The following SCO2 variants were observed in gnomAD, a reference collection of about 807,000 sequenced individuals.
SCO2 encodes cytochrome c oxidase assembly factor SCO2.
For missense variants in SCO2, 429 were observed against 348.7 expected, an observed-to-expected ratio of 1.23 and a Z score of -1.83; for synonymous variants, 195 against 148.6, an observed-to-expected ratio of 1.31 and a Z score of -2.27.
At position 50,524,185 on chromosome 22, in the gene SCO2, A is replaced by G. The variant is rs748990591; in HGVS notation, c.227T>C (p.Leu76Pro). Residue 76 changes from leucine (L) to proline (P), a missense_variant, in exon 2 of 2, where the codon CTG (leucine) becomes CCG (proline). Physicochemically the swap from Leu to Pro is moderately conservative, Grantham distance 98. Transcript: ENST00000395693. ...LFGAGLGGAW[L>P]ALRAEKERLQ... ...CCTCTCCTTCTCAGCCCTCAGGGCC[A>G]GCCAGGCCCCACCGAGTCCAGCCCC... 1 of 1,609,418 alleles carries G rather than the reference A, an allele frequency of 6.2e-7. No individual in the cohort carries two copies. The highest frequency in any genetic ancestry group is 8.5e-7 in the Non-Finnish European group (1 of 1,179,914).
At chr22:50,524,802 C>G (rs1442607136) in intron 1 of SCO2, 19 of 392,144 alleles carry the variant, frequency 4.8e-5, no homozygotes, top group Non-Finnish European at 9.7e-5. Context: ...CTCTGGCTTG[C>G]AATCCCCGAG....
chr22:50,523,858 T>C lies in SCO2; in HGVS notation c.554A>G (p.His185Arg). ...EAMARYVQDFHPRLLGLTGST... is the reference protein window; with the variant it reads ...EAMARYVQDFRPRLLGLTGST... ...GCCGGTCAGACCCAACAGTCTTGGG[T>C]GGAAGTCCTGGACGTAGCGGGCCAT... The change falls in exon 2 of 2, where the codon CAC becomes CGC. Residue 185 changes from histidine (H) to arginine (R), a missense_variant. His to Arg is a conservative substitution (Grantham distance 29). Coordinates refer to ENST00000395693, the MANE Select transcript of SCO2 (RefSeq NM_005138.3). 1 of 1,613,874 alleles carries C rather than the reference T, an allele frequency of 6.2e-7. No individual in the cohort carries two copies. The highest frequency in any genetic ancestry group is 8.5e-7 in the Non-Finnish European group (1 of 1,180,002).
intron 1 of SCO2, among the ~76,000 whole-genome samples, chr22:50,525,205 C>T (rs374247612): frequency 9.2e-5 from 14 of 152,358 alleles, no homozygotes; most frequent in African/African-American, 3.1e-4. Context: ...GGGTTTGTGC[C>T]CTCCCCAGCA....
intron 1 of SCO2, chr22:50,524,902 C>T (rs1324922319): frequency 5.7e-6 from 1 of 175,946 alleles, no homozygotes; most frequent in Admixed American, 9.0e-5. Context: ...AAAACCTGCA[C>T]GACCTACCCC....
At chr22:50,526,216 C>G (rs766469259), upstream of SCO2, 27 of 1,502,198 alleles carry the variant, frequency 1.8e-5, no homozygotes, top group African/African-American at 3.7e-4. Flanking sequence ...ATGGCGGAGG[C>G]GGAAGGACGG....
At chr22:50,525,433 C>T (rs2069304096) in intron 1 of SCO2, 39 bp downstream of exon 1, 1 of 386,750 alleles carries the variant, frequency 2.6e-6, no homozygotes, top group Non-Finnish European at 4.7e-6. Context: ...AGCGAGTCCT[C>T]AGGGCTACCT....
rs111681173 is a variant in SCO2 at position 50,525,589 on chromosome 22, C to T, written c.-131G>A. ...GGGCGCCACACGCTCACAGGCAGGG[C>T]GCAGGCGTCCCCGGAGCTGCGCATG... On this transcript the variant is annotated 5_prime_UTR_variant, in exon 1 of 2. Transcript: ENST00000395693. 6 of 923,370 alleles carry T rather than the reference C, an allele frequency of 6.5e-6. No homozygotes were observed. Among genetic ancestry groups the T allele is most frequent in the Non-Finnish European group, 9.9e-6 (6 of 603,172 alleles). 57.2% of individuals were successfully genotyped at this position (923,370 alleles called of 1,614,324 possible). A position where few individuals can be genotyped will look rare whatever the true frequency, so the allele number is the denominator to read the frequency against.
rs772981459 is a variant in SCO2, at chr22:50,524,067, G to A, written c.345C>T (p.Cys115=). The A allele has an allele frequency of 6.2e-7, 1 of 1,613,176 alleles. No homozygotes were observed. The highest frequency in any genetic ancestry group is 8.5e-7 in the Non-Finnish European group (1 of 1,180,022). The change falls in exon 2 of 2, where the codon TGC becomes TGT. Residue 115 remains cysteine, a synonymous_variant. Transcript: ENST00000395693. The part of the protein sequence containing the change: ...HLLDHRGRAR[C]KADFRGQWVL... ...CCCACTGGCCCCGGAAGTCAGCCTT[G>A]CAGCGAGCCCGGCCTCTGTGATCCA...
chr22:50,524,626 GTCC>G, intron 1 of SCO2: 1 of 709,566 alleles, frequency 1.4e-6, no homozygotes, highest in Non-Finnish European at 2.6e-6. Context: ...TGTCACTCCT[GTCC>G]TCTACCTGGG....
chr22:50,523,678 C>A lies in SCO2; in HGVS notation c.734G>T (p.Arg245Ile). 1 of 1,614,140 alleles carries A rather than the reference C, an allele frequency of 6.2e-7. No individual in the cohort carries two copies. Among genetic ancestry groups the A allele is most frequent in the East Asian group, 2.2e-5 (1 of 44,886 alleles). Reference protein sequence around the residue: ...GLFTDYYGRSRSAEQISDSVR... With the variant: ...GLFTDYYGRSISAEQISDSVR... ...ACTGTCTGAGATCTGCTCAGCCGAT[C>A]TGCTCCGGCCGTAGTAATCCGTGAA... is the stretch of plus-strand genomic sequence containing the variant. The change falls in exon 2 of 2, where the codon AGA (arginine) becomes ATA (isoleucine). Residue 245 changes from arginine (R) to isoleucine (I), a missense_variant. Arg to Ile is a moderately conservative substitution (Grantham distance 97). Transcript: ENST00000395693.
At chr22:50,526,394 G>C, upstream of SCO2, 1 of 1,525,360 alleles carries the variant, frequency 6.6e-7, no homozygotes, top group Non-Finnish European at 8.7e-7. Flanking sequence ...CAAGGGCCGA[G>C]CCGTCGTCCA....
At position 50,525,058 on chromosome 22, in the gene SCO2, G is replaced by T. The variant is rs536490501; in HGVS notation, c.-14+414C>A. On this transcript the variant is annotated intron_variant, in intron 1 of 1. Coordinates refer to ENST00000395693, the MANE Select transcript of SCO2 (RefSeq NM_005138.3). The stretch of plus-strand genomic sequence containing the variant: ...CTCACAGCCGACGCCCTGCCTTTGC[G>T]TTGGTGACCTTTGAGCCTTTCCCAC... Among the ~76,000 whole-genome samples, 9 of 152,338 alleles carry T rather than the reference G, an allele frequency of 5.9e-5. No individual in the cohort carries two copies. In the East Asian group the frequency reaches 1.7e-3, roughly 29 times the overall value.
chr22:50,526,152 A>T, upstream of SCO2: 1 of 1,471,328 alleles, frequency 6.8e-7, no homozygotes, highest in Non-Finnish European at 9.0e-7. Context: ...CTGCGGGGAG[A>T]GGGGCTGAGA....
Position 50,523,661 on chromosome 22 carries a change from A to G in SCO2, c.751T>C (p.Ser251Pro). Residue 251 changes from serine (S) to proline (P), a missense_variant, in exon 2 of 2, where the codon TCA becomes CCA. Transcript: ENST00000395693. ...GCCATGTGCCGCCGCACACTGTCTG[A>G]GATCTGCTCAGCCGATCTGCTCCGG... The part of the protein sequence containing the change: ...YGRSRSAEQI[S>P]DSVRRHMAAF... 6.2e-7 allele frequency: 1 copy of G among 1,614,048 alleles called. No homozygotes were observed. The highest frequency in any genetic ancestry group is 8.5e-7 in the Non-Finnish European group (1 of 1,180,036).
rs767252861 is a variant in SCO2 at position 50,524,235 on chromosome 22, G to C, written c.177C>G (p.Thr59=). ...CGAACAGGCCTGTGATCAGCAGCCG[G>C]GTTCGAAGCCCAGGGCCCTGGGGCT... The part of the protein sequence containing the change: ...QGQPQGPGLR[T]RLLITGLFGA... Residue 59 remains threonine (T), a synonymous_variant, in exon 2 of 2, where the codon ACC becomes ACG. Transcript: ENST00000395693. The C allele has an allele frequency of 1.9e-6, 3 of 1,607,010 alleles. No individual in the cohort carries two copies. Among genetic ancestry groups the C allele is most frequent in the Admixed American group, 1.7e-5 (1 of 60,002 alleles).
In SCO2 at chr22:50,525,581, A is replaced by G. The variant is rs1349989221; in HGVS notation, c.-123T>C. ...GGGAAAGCGGGCGCCACACGCTCAC[A>G]GGCAGGGCGCAGGCGTCCCCGGAGC... On this transcript the variant is annotated 5_prime_UTR_variant, in exon 1 of 2. Coordinates refer to ENST00000395693, the MANE Select transcript of SCO2 (RefSeq NM_005138.3). 2 of 856,124 alleles carry G rather than the reference A, an allele frequency of 2.3e-6. No individual in the cohort carries two copies. Among genetic ancestry groups the G allele is most frequent in the Non-Finnish European group, 3.6e-6 (2 of 551,434 alleles). The allele number at this position is 856,124 out of a possible 1,614,324, so 53.0% of individuals were successfully genotyped here.
chr22:50,524,191 G>A lies in SCO2; in HGVS notation c.221C>T (p.Ala74Val), dbSNP rs773919773. 3 of 1,608,772 alleles carry A rather than the reference G, an allele frequency of 1.9e-6. No homozygotes were observed. In the South Asian group the frequency reaches 3.3e-5, roughly 18 times the overall value. Residue 74 changes from alanine to valine, a missense_variant, in exon 2 of 2, where the codon GCC becomes GTC. Physicochemically the swap from Ala to Val is moderately conservative, Grantham distance 64. Transcript: ENST00000395693. ...CTTCTCAGCCCTCAGGGCCAGCCAG[G>A]CCCCACCGAGTCCAGCCCCGAACAG... ...TGLFGAGLGG[A>V]WLALRAEKER... is the part of the protein sequence containing the mutation.
At position 50,523,616 on chromosome 22, in the gene SCO2, A is replaced by C. The variant is rs746659857; in HGVS notation, c.796T>G (p.Ser266Ala). ...RHMAAFRSVLS is the reference protein window; with the variant it reads ...RHMAAFRSVLA Reference sequence around the variant, plus strand: ...GGGGCCCAGACTGCAGTGGCTCAAGACAGGACACTGCGGAAAGCCGCCATG... The same window carrying C: ...GGGGCCCAGACTGCAGTGGCTCAAGCCAGGACACTGCGGAAAGCCGCCATG... The change falls in exon 2 of 2, where the codon TCT becomes GCT. Residue 266 changes from serine to alanine, a missense_variant. Transcript: ENST00000395693. 1 of 1,613,210 alleles carries C rather than the reference A, an allele frequency of 6.2e-7. No individual in the cohort carries two copies. Among genetic ancestry groups the C allele is most frequent in the Admixed American group, 1.7e-5 (1 of 60,006 alleles).
upstream of SCO2, chr22:50,525,634 T>G: frequency 7.4e-7 from 1 of 1,354,986 alleles, no homozygotes; most frequent in Non-Finnish European, 1.0e-6. Flanking sequence ...GCGCAGCCGC[T>G]GACAGGCTCT....
Sources: gnomAD v4.1 joint callset for allele counts (sites outside exome capture counted in the v4.1 genomes callset) on GRCh38, gnomAD v4.1.1 for gene constraint, MANE v1.5 for transcripts, NCBI Gene and HGNC (gene_info 2026-07-23, HGNC 2026-07-21) for gene names.